Variants in SIRPG observed in about 807,000 individuals in gnomAD.
The protein encoded by SIRPG is signal regulatory protein gamma.
Under a neutral mutation model 35.7 loss-of-function variants are expected in SIRPG, and 38 were observed. The observed-to-expected ratio is 1.06, with a 90% confidence interval of 0.82 to 1.40. SIRPG has a LOEUF of 1.40. SIRPG is among the 40% of genes most tolerant of loss of function. The pLI is 0.00. For synonymous variants in SIRPG, 215 were observed against 190.4 expected (o/e 1.13, Z -1.06); for missense variants, 519 against 483.0 (o/e 1.07, Z -0.70).
chr20:1,663,389 A>G, the SIRPG span, among the ~76,000 whole-genome samples: 1 of 152,224 alleles, frequency 6.6e-6, no homozygotes, highest in African/African-American at 2.4e-5. Context: ...AGTTTGGAAG[A>G]GATGATACTG....
chr20:1,685,061 G>A, the SIRPG span, among the ~76,000 whole-genome samples: 1 of 152,328 alleles, frequency 6.6e-6, no homozygotes, highest in East Asian at 1.9e-4. Context: ...GGAGGCTGCT[G>A]TGCCCAGCCC....
chr20:1,658,125 T>C (rs2091985715), upstream of SIRPG, among the ~76,000 whole-genome samples: 2 of 152,194 alleles, frequency 1.3e-5, no homozygotes, highest in African/African-American at 2.4e-5. Flanking sequence ...GCTTGTGGTC[T>C]TGTTCTGCAC....
chr20:1,654,111 C>G (rs2091960234), intron 1 of SIRPG, among the ~76,000 whole-genome samples: 1 of 151,846 alleles, frequency 6.6e-6, no homozygotes, highest in Non-Finnish European at 1.5e-5. Flanking sequence ...TGGTGGTGCA[C>G]ACCTGTAGTC....
chr20:1,670,985 G>A, the SIRPG span: 2 of 364,066 alleles, frequency 5.5e-6, no homozygotes, highest in East Asian at 8.9e-5. Context: ...CCAGAGGCCA[G>A]CACCATCCTG....
At chr20:1,676,170 C>T in the SIRPG span, among the ~76,000 whole-genome samples, 1 of 152,084 alleles carries the variant, frequency 6.6e-6, no homozygotes, top group Non-Finnish European at 1.5e-5. Context: ...AGGATAAAGC[C>T]CCCTTCTCCA....
At chr20:1,685,285 A>G in the SIRPG span, among the ~76,000 whole-genome samples, 1 of 152,188 alleles carries the variant, frequency 6.6e-6, no homozygotes, top group Admixed American at 6.5e-5. Flanking sequence ...CCCAAAATGC[A>G]TGTGTTGAAG....
At position 1,650,002 on chromosome 20, in the gene SIRPG, G is replaced by GTATATATATATATATATATATATA. The variant is rs200260253; in HGVS notation, c.74-595_74-594insTATATATATATATATATATATATA. Among the ~76,000 whole-genome samples the GTATATATATATATATATATATATA allele has an allele frequency of 8.4e-3, 676 of 80,782 alleles. 7 individuals carry two copies. Among genetic ancestry groups the GTATATATATATATATATATATATA allele is most frequent in the Non-Finnish European group, 0.011 (438 of 40,060 alleles). The allele number at this position is 80,782 out of a possible 152,430, so 53.0% of individuals were successfully genotyped here. A position where few individuals can be genotyped will look rare whatever the true frequency, so the allele number is the denominator to read the frequency against. ...GAACTCCTGAACTCTACTTTGAAGT[G>GTATATATATATATATATATATATA]TGTATATATATATATATATATATAT... On this transcript the variant is annotated intron_variant, in intron 1 of 5. Transcript: ENST00000303415.
At chr20:1,639,801 G>C (rs1032551381) in intron 2 of SIRPG, among the ~76,000 whole-genome samples, 2 of 152,090 alleles carry the variant, frequency 1.3e-5, no homozygotes, top group African/African-American at 4.8e-5. Flanking sequence ...TTTTGTATAA[G>C]GTGTAAGGAA....
chr20:1,671,654 T>G, the SIRPG span, among the ~76,000 whole-genome samples: 5 of 152,188 alleles, frequency 3.3e-5, no homozygotes, highest in Non-Finnish European at 7.3e-5. Flanking sequence ...TGAACAGAGA[T>G]TTACCCACAT....
rs747816100 is a variant in SIRPG, at chr20:1,649,172, T to C, written c.310A>G (p.Ile104Val). 6.2e-6 allele frequency: 10 copies of C among 1,614,012 alleles called. No individual in the cohort carries two copies. The highest frequency in any genetic ancestry group is 8.5e-6 in the Non-Finnish European group (10 of 1,180,038). Residue 104 changes from isoleucine (I) to valine (V), a missense_variant, in exon 2 of 6, where the codon ATC (isoleucine) becomes GTC (valine). By Grantham distance (29) the Ile-to-Val change is conservative. Transcript: ENST00000303415. ...LTKRNNMDFS[I>V]RISSITPADV... ...GCTGGGGTGATGCTACTGATGCGGA[T>C]GGAAAAGTCCATGTTGTTTCTCTTT...
intron 1 of SIRPG, among the ~76,000 whole-genome samples, chr20:1,657,342 A>T (rs985997205): frequency 4.6e-5 from 7 of 152,228 alleles, no homozygotes; most frequent in African/African-American, 1.7e-4. Flanking sequence ...AAAAATGGGT[A>T]GGAGGACTCA....
At chr20:1,630,195 G>T in intron 5 of SIRPG, 27 bp downstream of exon 5, 1 of 1,513,756 alleles carries the variant, frequency 6.6e-7, no homozygotes, top group East Asian at 2.4e-5. Context: ...GACAGCCCTT[G>T]GTCTGTCCTC....
Position 1,657,697 on chromosome 20 carries a change from G to T in SIRPG, c.18C>A (p.Ser6=). 1 of 1,614,188 alleles carries T rather than the reference G, an allele frequency of 6.2e-7. No individual in the cohort carries two copies. The highest frequency in any genetic ancestry group is 1.1e-5 in the South Asian group (1 of 91,084). MPVPA[S]WPHPPGPFLL... Reference sequence around the variant, plus strand: ...GGAAAGGACCAGGAGGATGGGGCCAGGAGGCTGGGACAGGCATTTTGGAGA... The same window carrying T: ...GGAAAGGACCAGGAGGATGGGGCCATGAGGCTGGGACAGGCATTTTGGAGA... Residue 6 remains serine, a synonymous_variant, in exon 1 of 6, where the codon TCC becomes TCA. Coordinates refer to ENST00000303415, the MANE Select transcript of SIRPG (RefSeq NM_018556.4).
At position 1,636,321 on chromosome 20, in the gene SIRPG, G is replaced by A; in HGVS notation, c.615C>T (p.Tyr205=). The A allele has an allele frequency of 6.2e-7, 1 of 1,614,250 alleles. No individual in the cohort carries two copies. The highest frequency in any genetic ancestry group is 8.5e-7 in the Non-Finnish European group (1 of 1,180,052). The change falls in exon 3 of 6, where the codon TAC becomes TAT. Residue 205 remains tyrosine (Y), a synonymous_variant. Coordinates refer to ENST00000303415, the MANE Select transcript of SIRPG (RefSeq NM_018556.4). ...NVDPTGQSVA[Y]SIRSTARVVL... is the part of the protein sequence containing the mutation. ...CCACCCTGGCTGTGCTGCGGATGCT[G>A]TAGGCCACACTCTGTCCTGTGGGGT...
chr20:1,653,682 C>G (rs2091956811), intron 1 of SIRPG, among the ~76,000 whole-genome samples: 1 of 152,074 alleles, frequency 6.6e-6, no homozygotes, highest in African/African-American at 2.4e-5. Context: ...CTTCTATTAA[C>G]AGATTGGAGG....
the SIRPG span, among the ~76,000 whole-genome samples, chr20:1,679,340 C>T: frequency 6.6e-6 from 1 of 152,162 alleles, no homozygotes; most frequent in African/African-American, 2.4e-5. Context: ...GCTGTGAGCA[C>T]CCTACCAAAT....
intron 4 of SIRPG, among the ~76,000 whole-genome samples, chr20:1,632,997 T>G: frequency 6.6e-6 from 1 of 152,010 alleles, no homozygotes; most frequent in East Asian, 1.9e-4. Flanking sequence ...GGAAAAAAAC[T>G]ATAGCAAGGC....
the SIRPG span, among the ~76,000 whole-genome samples, chr20:1,674,230 A>G: frequency 4.8e-5 from 7 of 145,666 alleles, no homozygotes; most frequent in Admixed American, 1.4e-4. Flanking sequence ...TTTTTTTTTC[A>G]AATTTCCCAG....
chr20:1,663,375 C>G, the SIRPG span, among the ~76,000 whole-genome samples: 2 of 152,118 alleles, frequency 1.3e-5, no homozygotes, highest in African/African-American at 2.4e-5. Flanking sequence ...GAGACAATAG[C>G]AACAGTTTGG....
Sources: allele counts gnomAD v4.1 joint callset (sites outside exome capture counted in the v4.1 genomes callset), GRCh38; gene constraint gnomAD v4.1.1; transcripts MANE v1.5; gene names NCBI Gene and HGNC (gene_info 2026-07-23, HGNC 2026-07-21).